DIAPH2: variants seen among roughly 807,000 people sequenced by gnomAD.
DIAPH2 encodes the protein diaphanous related formin 2.
DIAPH2 carries 35 observed loss-of-function variants against 92.7 expected under a neutral mutation model. The ratio of observed to expected loss-of-function variants is 0.38; its 90% CI spans 0.29 to 0.50. The LOEUF (loss-of-function observed/expected upper bound fraction) is 0.50, where lower values mean the gene tolerates loss of function less well. DIAPH2 is among the 20% of genes least tolerant of loss of function. The probability of loss-of-function intolerance (pLI) is 0.94; values close to 1 mark genes in which losing one functional copy is unlikely to be tolerated. For synonymous variants in DIAPH2, 301 were observed against 280.4 expected (o/e 1.07, Z -0.73); for missense variants, 701 against 819.5 (o/e 0.86, Z 1.77).
chrX:97,020,408 T>C (rs2066290023), intron 17 of DIAPH2, among the ~76,000 whole-genome samples: 1 of 112,055 alleles, frequency 8.9e-6, no homozygotes, highest in Admixed American at 9.5e-5. Context: ...AGCCCTGCCT[T>C]ATCCACAGGG....
chrX:97,113,852 G>C (rs1012256136), intron 20 of DIAPH2, among the ~76,000 whole-genome samples: 3 of 111,769 alleles, frequency 2.7e-5, no homozygotes, highest in African/African-American at 9.8e-5. Flanking sequence ...TTTTCACTGT[G>C]TGCATGTGTC....
intron 23 of DIAPH2, among the ~76,000 whole-genome samples, chrX:97,319,434 G>A (rs2068871538): frequency 1.8e-5 from 2 of 108,632 alleles, no homozygotes; most frequent in Admixed American, 9.8e-5. Flanking sequence ...TTTGGCCCAG[G>A]CCAGACTGCA....
intron 25 of DIAPH2, among the ~76,000 whole-genome samples, chrX:97,426,656 T>C (rs1197759818): frequency 9.0e-6 from 1 of 111,101 alleles, no homozygotes; most frequent in Non-Finnish European, 1.9e-5. Context: ...TAACAAGTCT[T>C]TCTAAAGAAT....
At chrX:97,514,524 T>C (rs1214487250) in intron 26 of DIAPH2, among the ~76,000 whole-genome samples, 2 of 112,633 alleles carry the variant, frequency 1.8e-5, no homozygotes, top group Admixed American at 1.9e-4. Context: ...AAAGTCATTC[T>C]CCGTCCAGCT....
intron 25 of DIAPH2, among the ~76,000 whole-genome samples, chrX:97,387,785 T>G (rs1443190336): frequency 8.9e-6 from 1 of 112,136 alleles, no homozygotes; most frequent in African/African-American, 3.2e-5. Flanking sequence ...GATGATTGAT[T>G]GGATGTGTAA....
rs182133014 is a variant in DIAPH2, at chrX:97,073,184, T to A, written c.2152+142T>A. On this transcript the variant is annotated intron_variant, in intron 18 of 26. Transcript: ENST00000324765. ...GAAACAAAATCCTGTGTAAACATGA[T>A]TTGGTTGCCTTTTTGTCACTTAGCC... The A allele has an allele frequency of 1.1e-3, 476 of 438,627 alleles. 2 individuals are homozygous for A. Among genetic ancestry groups the A allele is most frequent in the Non-Finnish European group, 1.7e-3 (432 of 260,769 alleles). 36.1% of individuals were successfully genotyped at this position (438,627 alleles called of 1,213,427 possible).
intron 10 of DIAPH2, among the ~76,000 whole-genome samples, chrX:96,934,915 T>G (rs1044694964): frequency 8.9e-6 from 1 of 111,960 alleles, no homozygotes; most frequent in Non-Finnish European, 1.9e-5. Flanking sequence ...GGCATACTTT[T>G]ATCTCTTTAA....
chrX:97,394,234 A>G (rs2069685145), intron 25 of DIAPH2, among the ~76,000 whole-genome samples: 1 of 111,796 alleles, frequency 8.9e-6, no homozygotes, highest in African/African-American at 3.2e-5. Flanking sequence ...AATAATATAA[A>G]TTAATGAGGC....
At chrX:97,207,936 G>A (rs1007130708) in intron 22 of DIAPH2, among the ~76,000 whole-genome samples, 2 of 111,314 alleles carry the variant, frequency 1.8e-5, no homozygotes, top group East Asian at 2.8e-4. Context: ...GGTGGATCAC[G>A]AGGTCAGGAG....
chrX:97,089,249 A>G (rs2066805659), intron 19 of DIAPH2, among the ~76,000 whole-genome samples: 1 of 111,866 alleles, frequency 8.9e-6, no homozygotes, highest in Non-Finnish European at 1.9e-5. Flanking sequence ...TCACAGGTCT[A>G]GAGAAGAGTT....
chrX:97,293,556 T>G (rs1480802912), intron 23 of DIAPH2, among the ~76,000 whole-genome samples: 1 of 111,950 alleles, frequency 8.9e-6, no homozygotes, highest in Non-Finnish European at 1.9e-5. Context: ...CGGTCTTTGT[T>G]GACATTTCTT....
intron 22 of DIAPH2, among the ~76,000 whole-genome samples, chrX:97,152,689 TC>T (rs1824791789): frequency 9.0e-6 from 1 of 111,157 alleles, no homozygotes; most frequent in Non-Finnish European, 1.9e-5. Context: ...TGATAACAAA[TC>T]CACTCCTGTG....
rs147395764 is a variant in DIAPH2, at chrX:96,905,330, G to A, written c.588-6998G>A. 7.0e-3 allele frequency among the ~76,000 whole-genome samples: 782 copies of A among 111,760 alleles called. 7 individuals are homozygous for A. Among genetic ancestry groups the A allele is most frequent in the African/African-American group, 0.024 (754 of 30,790 alleles). On this transcript the variant is annotated intron_variant, in intron 5 of 26. Transcript: ENST00000324765. ...GTTTTACATTATATTTAAGTGAAAT[G>A]TAACTAAATAATTCAGAGTCTGAAT...
intron 5 of DIAPH2, among the ~76,000 whole-genome samples, chrX:96,900,769 A>C (rs992224652): frequency 8.9e-6 from 1 of 111,926 alleles, no homozygotes; most frequent in Non-Finnish European, 1.9e-5. Flanking sequence ...TGACTTGCTT[A>C]TGCTAAACTA....
intron 24 of DIAPH2, among the ~76,000 whole-genome samples, chrX:97,382,402 C>T (rs1002749367): frequency 8.9e-6 from 1 of 112,015 alleles, no homozygotes; most frequent in African/African-American, 3.2e-5. Context: ...ACCAGCCTAA[C>T]CAACATGGTG....
intron 21 of DIAPH2, among the ~76,000 whole-genome samples, chrX:97,118,807 T>C (rs1224854072): frequency 1.8e-5 from 2 of 112,258 alleles, no homozygotes; most frequent in African/African-American, 6.5e-5. Flanking sequence ...TCTATAACTT[T>C]ACAAAAGGGG....
intron 24 of DIAPH2, among the ~76,000 whole-genome samples, chrX:97,377,002 G>A (rs1006728944): frequency 8.9e-6 from 1 of 111,855 alleles, no homozygotes; most frequent in Admixed American, 9.5e-5. Context: ...TAGCATGAAT[G>A]CACCTTAGAA....
intron 5 of DIAPH2, among the ~76,000 whole-genome samples, chrX:96,902,263 G>A (rs944530796): frequency 1.8e-5 from 2 of 112,016 alleles, no homozygotes; most frequent in African/African-American, 6.5e-5. Flanking sequence ...TTATGCAGTT[G>A]TTGGGAAGAA....
At chrX:96,728,314 A>G (rs1330873886) in intron 1 of DIAPH2, among the ~76,000 whole-genome samples, 3 of 109,885 alleles carry the variant, frequency 2.7e-5, no homozygotes, top group Non-Finnish European at 5.7e-5. Flanking sequence ...GGTTCAAGCA[A>G]TTCTCCTGCC....
Sources: allele counts gnomAD v4.1 joint callset (sites outside exome capture counted in the v4.1 genomes callset), GRCh38; gene constraint gnomAD v4.1.1; transcripts MANE v1.5; gene names NCBI Gene and HGNC (gene_info 2026-07-23, HGNC 2026-07-21).